CNBD1: variants seen among roughly 807,000 people sequenced by gnomAD.
CNBD1 encodes the protein cyclic nucleotide binding domain containing 1, also known as cyclic nucleotide-binding domain-containing protein 1.
CNBD1 carries 71 observed loss-of-function variants against 54.4 expected under a neutral mutation model. The observed-to-expected ratio is 1.30, with a 90% CI of 1.08 to 1.59. CNBD1 has a LOEUF of 1.59. Ranked by LOEUF, CNBD1 falls within the 40% of genes most tolerant of loss-of-function variation. The pLI, the probability that CNBD1 is intolerant of heterozygous loss-of-function variation, is 0.00. For missense variants in CNBD1, 659 were observed against 518.0 expected (o/e 1.27, Z -2.64); for synonymous variants, 182 against 170.7 (o/e 1.07, Z -0.51).
At chr8:87,098,588 G>A (rs1256873348) in intron 4 of CNBD1, among the ~76,000 whole-genome samples, 2 of 152,084 alleles carry the variant, frequency 1.3e-5, no homozygotes, top group Non-Finnish European at 2.9e-5. Flanking sequence ...AGATTATGTG[G>A]AAATCAGAAT....
At chr8:87,216,945 G>A (rs1045381788) in intron 5 of CNBD1, among the ~76,000 whole-genome samples, 2 of 152,036 alleles carry the variant, frequency 1.3e-5, no homozygotes, top group Non-Finnish European at 2.9e-5. Context: ...TTGCTTTTAC[G>A]ATCTTTTCTA....
intron 8 of CNBD1, among the ~76,000 whole-genome samples, chr8:87,323,462 G>T (rs1480335058): frequency 7.9e-6 from 1 of 127,322 alleles, no homozygotes; most frequent in Non-Finnish European, 1.8e-5. Context: ...CCATTTGTTT[G>T]TATCCTCTTT....
chr8:87,074,116 AGGC>A (rs1245102734), intron 4 of CNBD1, among the ~76,000 whole-genome samples: 1 of 148,302 alleles, frequency 6.7e-6, no homozygotes, highest in African/African-American at 2.5e-5. Flanking sequence ...AAAAAAAAAA[AGGC>A]AGCAGTCTGG....
In CNBD1 at chr8:87,013,639, G is replaced by GT. The variant is rs545260102; in HGVS notation, c.431+73895dup. Among the ~76,000 whole-genome samples, 209 of 133,866 alleles carry GT rather than the reference G, an allele frequency of 1.6e-3. 1 individual carries two copies. Among genetic ancestry groups the GT allele is most frequent in the East Asian group, 5.7e-3 (26 of 4,594 alleles). 87.8% of individuals were successfully genotyped at this position (133,866 alleles called of 152,430 possible). ...TGTTTTGTTTTGTTTTTTGTTTTTT[G>GT]TTTTTTTTTTGCAAGCCAGAAAATT... On this transcript the variant is annotated intron_variant, in intron 4 of 10. Coordinates refer to ENST00000518476, the MANE Select transcript of CNBD1 (RefSeq NM_173538.3).
At chr8:86,985,894 C>G (rs948148786) in intron 4 of CNBD1, among the ~76,000 whole-genome samples, 1 of 152,094 alleles carries the variant, frequency 6.6e-6, no homozygotes, top group Non-Finnish European at 1.5e-5. Context: ...GCTATTATGA[C>G]TGGTGTAATA....
intron 6 of CNBD1, among the ~76,000 whole-genome samples, chr8:87,269,981 C>G (rs764993140): frequency 3.9e-5 from 6 of 151,910 alleles, no homozygotes; most frequent in Non-Finnish European, 8.8e-5. Context: ...GCCAATATTT[C>G]TGATGAAATA....
At chr8:87,016,245 T>C (rs976743030) in intron 4 of CNBD1, among the ~76,000 whole-genome samples, 1 of 151,810 alleles carries the variant, frequency 6.6e-6, no homozygotes. Context: ...CTTAAAGTCA[T>C]GTTTAAACCT....
At chr8:87,398,821 G>C in intron 2 of CNBD1, among the ~76,000 whole-genome samples, 1 of 151,928 alleles carries the variant, frequency 6.6e-6, no homozygotes, top group East Asian at 1.9e-4. Flanking sequence ...AGGACTTATT[G>C]GGCTTTAACT....
intron 1 of CNBD1, among the ~76,000 whole-genome samples, chr8:86,884,657 A>G (rs560967483): frequency 2.0e-5 from 3 of 152,092 alleles, no homozygotes; most frequent in East Asian, 1.9e-4. Context: ...CCTTTTCTTT[A>G]TTTTCTCCCA....
At chr8:87,025,688 C>G (rs1349324512) in intron 4 of CNBD1, among the ~76,000 whole-genome samples, 1 of 152,200 alleles carries the variant, frequency 6.6e-6, no homozygotes, top group Admixed American at 6.5e-5. Context: ...ACAGACAACT[C>G]CGGACAGGCA....
At chr8:87,127,898 T>G (rs751367695) in intron 4 of CNBD1, among the ~76,000 whole-genome samples, 48 of 152,104 alleles carry the variant, frequency 3.2e-4, no homozygotes, top group Non-Finnish European at 3.4e-4. Context: ...TCTTTTCATG[T>G]CCCAAAGTTG....
At chr8:87,316,737 G>A (rs1442884651) in intron 8 of CNBD1, among the ~76,000 whole-genome samples, 1 of 151,840 alleles carries the variant, frequency 6.6e-6, no homozygotes, top group Non-Finnish European at 1.5e-5. Flanking sequence ...ATCATAAGCA[G>A]ACGTATAAGG....
rs112794259 is a variant in CNBD1, at chr8:86,880,234, G to T, written c.89-7308G>T. ...CCCTACTTGGTGACTTCTGATTAAC[G>T]ATCCTTATTGTCATTGGGATTACAG... On this transcript the variant is annotated intron_variant, in intron 1 of 10. Transcript: ENST00000518476. Among the ~76,000 whole-genome samples, 3 of 151,740 alleles carry T rather than the reference G, an allele frequency of 2.0e-5. 1 individual carries two copies. The South Asian group carries it at 6.2e-4, about 31-fold the overall frequency.
chr8:87,415,777 T>A (rs1807824382), intron 2 of CNBD1, among the ~76,000 whole-genome samples: 1 of 151,652 alleles, frequency 6.6e-6, no homozygotes, highest in African/African-American at 2.4e-5. Flanking sequence ...CTTAAAAAGC[T>A]GTAAAAAGCT....
chr8:87,340,899 A>G (rs2130918917), intron 8 of CNBD1, among the ~76,000 whole-genome samples: 1 of 151,938 alleles, frequency 6.6e-6, no homozygotes, highest in African/African-American at 2.4e-5. Flanking sequence ...CAGTTTCTGA[A>G]GTTTTATTTA....
intron 2 of CNBD1, among the ~76,000 whole-genome samples, chr8:87,423,136 CT>C (rs1187186458): frequency 6.6e-6 from 1 of 152,166 alleles, no homozygotes; most frequent in Non-Finnish European, 1.5e-5. Flanking sequence ...TATCCTGAGA[CT>C]TTGCTGAAGT....
Position 87,284,761 on chromosome 8 carries a change from AGACGAT to A in CNBD1, c.856_861del (p.Asp286_Asp287del). ...CACAGATGTTCTCGGTGGTGACAGA[AGACGAT>A]TGTGAAATTCTTAAAATCCCAGCAA... On this transcript the variant is annotated inframe_deletion, in exon 7 of 11. Coordinates refer to ENST00000518476, the MANE Select transcript of CNBD1 (RefSeq NM_173538.3). The A allele has an allele frequency of 6.2e-7, 1 of 1,600,432 alleles. No homozygotes were observed. The highest frequency in any genetic ancestry group is 8.5e-7 in the Non-Finnish European group (1 of 1,173,230).
At chr8:87,323,080 G>C (rs1480993507) in intron 8 of CNBD1, among the ~76,000 whole-genome samples, 1 of 107,474 alleles carries the variant, frequency 9.3e-6, no homozygotes, top group Admixed American at 9.1e-5. Flanking sequence ...CCCATTGCTT[G>C]TTTTTCTCAG....
intron 10 of CNBD1, among the ~76,000 whole-genome samples, chr8:87,379,224 T>C (rs953363485): frequency 1.3e-5 from 2 of 152,020 alleles, no homozygotes; most frequent in African/African-American, 4.8e-5. Context: ...GGCATCCCTG[T>C]CTTGTGAAAG....
Sources: gnomAD v4.1 joint callset for allele counts (sites outside exome capture counted in the v4.1 genomes callset) on GRCh38, gnomAD v4.1.1 for gene constraint, MANE v1.5 for transcripts, NCBI Gene and HGNC (gene_info 2026-07-23, HGNC 2026-07-21) for gene names.